SGCZ: variants seen among roughly 807,000 people sequenced by gnomAD.
The protein encoded by SGCZ is sarcoglycan zeta, also known as zeta-sarcoglycan.
In SGCZ, 40 loss-of-function variants were observed where a neutral mutation model predicts 41.3. That is an observed-to-expected ratio of 0.97 (90% CI 0.75 to 1.26). The LOEUF (loss-of-function observed/expected upper bound fraction) is 1.26. Among genes scored for constraint, SGCZ ranks in the 50% most tolerant of loss-of-function variants. The probability of loss-of-function intolerance (pLI) is 0.00; values close to 1 mark genes in which losing one functional copy is unlikely to be tolerated. For synonymous variants in SGCZ, 206 were observed against 137.5 expected, an observed-to-expected ratio of 1.50 and a Z score of -3.49; for missense variants, 552 against 369.8, an observed-to-expected ratio of 1.49 and a Z score of -4.04.
At chr8:14,528,953 A>G (rs979658630) in intron 2 of SGCZ, among the ~76,000 whole-genome samples, 1 of 152,094 alleles carries the variant, frequency 6.6e-6, no homozygotes, top group African/African-American at 2.4e-5. Context: ...CTAATTTTAC[A>G]GATGAATCAG....
At chr8:14,943,010 T>G (rs1800327617) in intron 1 of SGCZ, among the ~76,000 whole-genome samples, 1 of 152,280 alleles carries the variant, frequency 6.6e-6, no homozygotes, top group Admixed American at 6.5e-5. Context: ...CACATTCAAC[T>G]CTTACATTTT....
At chr8:14,701,306 A>G in intron 1 of SGCZ, among the ~76,000 whole-genome samples, 1 of 152,118 alleles carries the variant, frequency 6.6e-6, no homozygotes, top group Middle Eastern at 3.4e-3. Context: ...AATTTATAAA[A>G]CTTATAAAAA....
chr8:14,394,356 G>A (rs1278949187), intron 2 of SGCZ, among the ~76,000 whole-genome samples: 2 of 151,784 alleles, frequency 1.3e-5, no homozygotes, highest in South Asian at 2.1e-4. Context: ...TCACCATGTT[G>A]GCCAGGATGG....
chr8:14,617,620 G>C (rs1156330588), intron 1 of SGCZ, among the ~76,000 whole-genome samples: 8 of 152,130 alleles, frequency 5.3e-5, no homozygotes, highest in African/African-American at 1.7e-4. Context: ...AGAGAACAGA[G>C]AACTAAATGT....
intron 1 of SGCZ, among the ~76,000 whole-genome samples, chr8:14,860,441 AAG>A (rs1262834419): frequency 6.6e-6 from 1 of 151,284 alleles, no homozygotes; most frequent in African/African-American, 2.4e-5. Context: ...GGGAGAGGGA[AAG>A]AGAAGAGAGA....
In SGCZ at chr8:14,109,912, G is replaced by A. The variant is rs1358419861; in HGVS notation, c.548-1677C>T. Reference sequence around the variant, plus strand: ...TCTGTTTATAAGCTAAAAGCTATTGGCATTTGTTGAACTCTTAATGGGCTT... The same window carrying A: ...TCTGTTTATAAGCTAAAAGCTATTGACATTTGTTGAACTCTTAATGGGCTT... On this transcript the variant is annotated intron_variant, in intron 5 of 7. Transcript: ENST00000382080. Among the ~76,000 whole-genome samples the A allele has an allele frequency of 2.0e-5, 3 of 152,062 alleles. No individual in the cohort carries two copies. The East Asian group carries it at 5.8e-4, about 29-fold the overall frequency.
At chr8:14,109,084 C>T (rs768418157) in intron 5 of SGCZ, among the ~76,000 whole-genome samples, 2 of 152,132 alleles carry the variant, frequency 1.3e-5, no homozygotes, top group Non-Finnish European at 2.9e-5. Context: ...ATTACAGTAA[C>T]CACGAAAAGC....
Position 14,479,746 on chromosome 8 carries a change from T to TTTTTC in SGCZ, c.234+74985_234+74986insGAAAA, listed in dbSNP as rs1563356601. 1.8e-4 allele frequency among the ~76,000 whole-genome samples: 14 copies of TTTTTC among 76,132 alleles called. No individual in the cohort carries two copies. The South Asian group carries it at 4.8e-3, about 26-fold the overall frequency. 49.9% of individuals were successfully genotyped at this position (76,132 alleles called of 152,430 possible). A position where few individuals can be genotyped will look rare whatever the true frequency, so the allele number is the denominator to read the frequency against. On this transcript the variant is annotated intron_variant, in intron 2 of 7. Coordinates refer to ENST00000382080, the MANE Select transcript of SGCZ (RefSeq NM_139167.4). The stretch of plus-strand genomic sequence containing the variant: ...AATTCTACTTCTTTTTTTTTTTTTT[T>TTTTTC]TTTTTTTTTTTTTTTATTTGAGATG...
chr8:14,446,470 T>G (rs1388786818), intron 2 of SGCZ, among the ~76,000 whole-genome samples: 2 of 152,174 alleles, frequency 1.3e-5, no homozygotes, highest in Non-Finnish European at 2.9e-5. Flanking sequence ...CCCAAATAAA[T>G]TGTATAGAGA....
intron 1 of SGCZ, among the ~76,000 whole-genome samples, chr8:14,608,812 C>T (rs1409323101): frequency 6.6e-6 from 1 of 151,866 alleles, no homozygotes; most frequent in African/African-American, 2.4e-5. Flanking sequence ...AATATTCGAA[C>T]CATATCGGCA....
intron 4 of SGCZ, among the ~76,000 whole-genome samples, chr8:14,199,885 C>G (rs540008548): frequency 2.0e-5 from 3 of 152,174 alleles, no homozygotes; most frequent in Admixed American, 6.5e-5. Flanking sequence ...TCTATCCATA[C>G]AATTCTAAAG....
intron 3 of SGCZ, among the ~76,000 whole-genome samples, chr8:14,260,324 C>T (rs1457656352): frequency 1.3e-5 from 2 of 150,878 alleles, no homozygotes; most frequent in Non-Finnish European, 3.0e-5. Flanking sequence ...GACATTTATG[C>T]AGCCAAAAAA....
At chr8:14,553,814 T>C (rs1462752422) in intron 2 of SGCZ, among the ~76,000 whole-genome samples, 1 of 152,034 alleles carries the variant, frequency 6.6e-6, no homozygotes, top group East Asian at 1.9e-4. Flanking sequence ...TATAGGAATA[T>C]CAGTGAAGTT....
chr8:14,232,365 G>A (rs1005706900), intron 4 of SGCZ, among the ~76,000 whole-genome samples: 17 of 151,852 alleles, frequency 1.1e-4, no homozygotes, highest in African/African-American at 4.1e-4. Context: ...AGTTTCTATT[G>A]TTAAGTGATG....
At chr8:14,239,146 G>T (rs1229126625) in intron 3 of SGCZ, among the ~76,000 whole-genome samples, 1 of 151,710 alleles carries the variant, frequency 6.6e-6, no homozygotes, top group African/African-American at 2.4e-5. Flanking sequence ...TCTGTTTAAA[G>T]TATAGTTCAT....
intron 1 of SGCZ, among the ~76,000 whole-genome samples, chr8:15,005,665 G>A: frequency 1.3e-5 from 2 of 150,278 alleles, no homozygotes; most frequent in East Asian, 3.9e-4. Context: ...CAGAGTCTCT[G>A]TAAATAATAC....
chr8:14,838,295 T>A (rs574230844), intron 1 of SGCZ, among the ~76,000 whole-genome samples: 1 of 152,184 alleles, frequency 6.6e-6, no homozygotes, highest in African/African-American at 2.4e-5. Context: ...TATATTTTGA[T>A]GTTTGGTATC....
intron 3 of SGCZ, among the ~76,000 whole-genome samples, chr8:14,264,419 C>T (rs975673587): frequency 2.0e-5 from 3 of 152,150 alleles, no homozygotes; most frequent in African/African-American, 2.4e-5. Context: ...CTTCCTCAGC[C>T]TCAGACAGAA....
intron 1 of SGCZ, among the ~76,000 whole-genome samples, chr8:14,849,941 T>A (rs1358327387): frequency 6.6e-6 from 1 of 152,158 alleles, no homozygotes; most frequent in East Asian, 1.9e-4. Flanking sequence ...ATCACCTTAA[T>A]ACAGAAAGTT....
Sources: gnomAD v4.1 joint callset for allele counts (sites outside exome capture counted in the v4.1 genomes callset) on GRCh38, gnomAD v4.1.1 for gene constraint, MANE v1.5 for transcripts, NCBI Gene and HGNC (gene_info 2026-07-23, HGNC 2026-07-21) for gene names.